The following RPL13 variants were observed in gnomAD, a reference collection of about 807,000 sequenced individuals.
RPL13 encodes ribosomal protein L13, also known as large ribosomal subunit protein eL13.
Under a neutral mutation model 21.4 loss-of-function variants are expected in RPL13, and 1 was observed. The ratio of observed to expected loss-of-function variants is 0.05; its 90% confidence interval spans 0.02 to 0.22. The LOEUF (loss-of-function observed/expected upper bound fraction) is 0.22, where lower values mean the gene tolerates loss of function less well. RPL13 is among the 10% of genes least tolerant of loss of function. RPL13 has a pLI of 1.00. For synonymous variants in RPL13, 143 were observed against 120.5 expected (o/e 1.19, Z -1.23); for missense variants, 289 against 303.0 (o/e 0.95, Z 0.34).
intron 4 of RPL13, 113 bp downstream of exon 4, chr16:89,561,864 T>C: frequency 8.6e-7 from 1 of 1,168,232 alleles, no homozygotes; most frequent in Admixed American, 2.3e-5. Flanking sequence ...CAAAACATTG[T>C]GGGTGATGAG....
chr16:89,561,893 G>A (rs2058747796), intron 4 of RPL13, 142 bp downstream of exon 4: 5 of 921,354 alleles, frequency 5.4e-6, no homozygotes, highest in Non-Finnish European at 8.0e-6. Flanking sequence ...GACTGCTAAG[G>A]TTCACCTGTG....
Position 89,561,625 on chromosome 16 carries a change from G to C in RPL13, c.294G>C (p.Val98=). 6.2e-7 allele frequency: 1 copy of C among 1,613,776 alleles called. No homozygotes were observed. The highest frequency in any genetic ancestry group is 8.5e-7 in the Non-Finnish European group (1 of 1,180,040). Residue 98 remains valine, a synonymous_variant, in exon 4 of 6, where the codon GTG becomes GTC. Transcript: ENST00000311528. ...KKVARTIGIS[V]DPRRRNKSTE... ...TGGCCCGGACCATCGGCATTTCTGT[G>C]GATCCGAGGAGGCGGAACAAGTCCA... is the stretch of plus-strand genomic sequence containing the variant.
rs1442262821 is a variant in RPL13, at chr16:89,561,270, C to G, written c.148C>G (p.Pro50Ala). The change falls in exon 3 of 6, where the codon CCC becomes GCC. Residue 50 changes from proline to alanine, a missense_variant. Physicochemically the swap from Pro to Ala is conservative, Grantham distance 27 (BLOSUM62 -1). Coordinates refer to ENST00000311528, the MANE Select transcript of RPL13 (RefSeq NM_000977.4). ...QAKARRIAPR[P>A]ASGPIRPIVR... is the part of the protein sequence containing the mutation. Reference sequence around the variant, plus strand: ...CAAGGCGCGCCGCATCGCCCCGCGCCCCGCGTCGGGTCCCATCCGGCCCAT... The same window carrying G: ...CAAGGCGCGCCGCATCGCCCCGCGCGCCGCGTCGGGTCCCATCCGGCCCAT... 6.4e-7 allele frequency: 1 copy of G among 1,557,978 alleles called. No homozygotes were observed. The highest frequency in any genetic ancestry group is 1.4e-5 in the African/African-American group (1 of 73,626).
chr16:89,561,147 GGCGCTGTCTGCAACCGTCGCGGA>G (rs1161368413), intron 2 of RPL13, 57 bp from the exon 3 acceptor site: 22 of 1,515,426 alleles, frequency 1.5e-5, no homozygotes, highest in African/African-American at 5.7e-5. Flanking sequence ...CAGGGCGGGG[GGCGCTGTCTGCAACCGTCGCGGA>G]GCGCTGGCCT....
upstream of RPL13, chr16:89,560,670 C>A: frequency 2.9e-6 from 1 of 348,078 alleles, no homozygotes. Context: ...GAGTGCATTG[C>A]GGGGCCGCTT....
rs1375818051 is a variant in RPL13 at position 89,560,991 on chromosome 16, A to T, written c.32A>T (p.Lys11Met). The change falls in exon 2 of 6, where the codon AAG becomes ATG. Residue 11 changes from lysine to methionine, a missense_variant. Coordinates refer to ENST00000311528, the MANE Select transcript of RPL13 (RefSeq NM_000977.4). MAPSRNGMVL[K>M]PHFHKDWQRR... ...CCCAGCCGGAATGGCATGGTCTTGA[A>T]GCCCCACTTCCACAAGGACTGGCAG... 6.2e-7 allele frequency: 1 copy of T among 1,607,442 alleles called. No individual in the cohort carries two copies. Among genetic ancestry groups the T allele is most frequent in the Non-Finnish European group, 8.5e-7 (1 of 1,178,410 alleles).
intron 4 of RPL13, 29 bp downstream of exon 4, chr16:89,561,780 G>C: frequency 1.2e-6 from 2 of 1,604,260 alleles, no homozygotes; most frequent in Non-Finnish European, 1.7e-6. Context: ...GGCCGTCCTG[G>C]TGCGCGGGGA....
At chr16:89,561,843 G>A in intron 4 of RPL13, 92 bp downstream of exon 4, 11 of 1,418,046 alleles carry the variant, frequency 7.8e-6, no homozygotes, top group Non-Finnish European at 8.7e-6. Context: ...TCTTGCTGGG[G>A]TGAGAAGAAC....
chr16:89,561,469 T>A, intron 3 of RPL13, 101 bp downstream of exon 3: 2 of 1,612,306 alleles, frequency 1.2e-6, no homozygotes, highest in Non-Finnish European at 1.7e-6. Flanking sequence ...ACGGCCTTGA[T>A]GAAAGCACAT....
chr16:89,562,482 TAAG>T (rs2058752707), intron 5 of RPL13, 91 bp downstream of exon 5: 1 of 1,250,622 alleles, frequency 8.0e-7, no homozygotes, highest in Non-Finnish European at 1.1e-6. Flanking sequence ...GGGTCAGGCT[TAAG>T]AACGTTAATA....
chr16:89,561,733 C>T lies in RPL13; in HGVS notation c.402C>T (p.Pro134=). The change falls in exon 4 of 6, where the codon CCC becomes CCT. Residue 134 remains proline, a synonymous_variant. Transcript: ENST00000311528. The stretch of plus-strand genomic sequence containing the variant: ...TCTTCCCCAGGAAGCCCTCGGCCCC[C>T]AAGAAGGGAGACAGTTCTGTGAGTA... ...LILFPRKPSA[P]KKGDSSAEEL... is the part of the protein sequence containing the mutation. 6.2e-7 allele frequency: 1 copy of T among 1,613,702 alleles called. No homozygotes were observed. The highest frequency in any genetic ancestry group is 8.5e-7 in the Non-Finnish European group (1 of 1,179,960).
chr16:89,561,777 C>G (rs774653132), intron 4 of RPL13, 26 bp downstream of exon 4: 3 of 1,604,512 alleles, frequency 1.9e-6, no homozygotes, highest in African/African-American at 2.7e-5. Flanking sequence ...TCTGGCCGTC[C>G]TGGTGCGCGG....
At chr16:89,560,667 T>C (rs943889720), upstream of RPL13, 21 of 337,926 alleles carry the variant, frequency 6.2e-5, no homozygotes, top group African/African-American at 4.2e-4. Context: ...CCAGAGTGCA[T>C]TGCGGGGCCG....
chr16:89,561,528 G>A (rs527994266), intron 3 of RPL13, 50 bp from the exon 4 acceptor site: 3 of 1,612,996 alleles, frequency 1.9e-6, no homozygotes, highest in East Asian at 4.5e-5. Flanking sequence ...CAGGCCTCGG[G>A]GCTGGAGAAA....
Position 89,561,074 on chromosome 16 carries a change from C to A in RPL13, c.104+11C>A, listed in dbSNP as rs1406741787. On this transcript the variant is annotated intron_variant, in intron 2 of 5. Transcript: ENST00000311528. ...CCGTAAGATCCGCAGGTGAGCCCTG[C>A]GCTCGGGGCTGCCCCTGGGGCTCGT... is the stretch of plus-strand genomic sequence containing the variant. 6.3e-7 allele frequency: 1 copy of A among 1,599,398 alleles called. No homozygotes were observed.
downstream of RPL13, chr16:89,566,175 TG>T (rs1370440025): frequency 2.0e-5 from 3 of 152,232 alleles, no homozygotes; most frequent in East Asian, 5.8e-4. Context: ...ACGGGGGTCA[TG>T]GGGCCAGGCG....
rs757043374 is a variant in RPL13, at chr16:89,561,285, A to C, written c.163A>C (p.Ile55Leu). The change falls in exon 3 of 6, where the codon ATC (isoleucine) becomes CTC (leucine). Residue 55 changes from isoleucine (I) to leucine (L), a missense_variant. Coordinates refer to ENST00000311528, the MANE Select transcript of RPL13 (RefSeq NM_000977.4). Reference protein sequence around the residue: ...RIAPRPASGPIRPIVRCPTVR... With the variant: ...RIAPRPASGPLRPIVRCPTVR... ...CGCCCCGCGCCCCGCGTCGGGTCCC[A>C]TCCGGCCCATCGTGCGCTGCCCCAC... The C allele has an allele frequency of 6.4e-7, 1 of 1,566,404 alleles. No homozygotes were observed. The highest frequency in any genetic ancestry group is 2.4e-5 in the East Asian group (1 of 42,540).
chr16:89,563,802 T>G lies in RPL13; in HGVS notation c.*760T>G, dbSNP rs902685897. 3.3e-5 allele frequency: 5 copies of G among 152,192 alleles called. No homozygotes were observed. Among genetic ancestry groups the G allele is most frequent in the Admixed American group, 2.6e-4 (4 of 15,278 alleles). 9.4% of individuals were successfully genotyped at this position (152,192 alleles called of 1,614,324 possible). A position where few individuals can be genotyped will look rare whatever the true frequency, so the allele number is the denominator to read the frequency against. On this transcript the variant is annotated 3_prime_UTR_variant, in exon 6 of 6. Coordinates refer to ENST00000311528, the MANE Select transcript of RPL13 (RefSeq NM_000977.4). ...GACTTTGGGGCGTCATTCTTAAGCT[T>G]GTTGTGCCCGGTAACCATGGTCCTC... is the stretch of plus-strand genomic sequence containing the variant.
chr16:89,562,845 T>TG, intron 5 of RPL13, 39 bp from the exon 6 acceptor site: 2 of 1,486,978 alleles, frequency 1.3e-6, no homozygotes. Flanking sequence ...CCTTGCCCTT[T>TG]GGTGCATGTG....
Sources: gnomAD v4.1 joint callset for allele counts on GRCh38, gnomAD v4.1.1 for gene constraint, MANE v1.5 for transcripts, NCBI Gene and HGNC (gene_info 2026-07-23, HGNC 2026-07-21) for gene names.